Variants in XK observed in about 807,000 individuals in gnomAD.
XK encodes the protein X-linked Kx blood group antigen, Kell and VPS13A binding protein.
Under a neutral mutation model 14.0 loss-of-function variants are expected in XK, and 2 were observed. The ratio of observed to expected loss-of-function variants is 0.14; its 90% confidence interval spans 0.06 to 0.45. The LOEUF (loss-of-function observed/expected upper bound fraction) is 0.45. Ranked by LOEUF, XK falls within the 20% of genes least tolerant of loss-of-function variation. XK has a pLI of 0.98. For synonymous variants in XK, 149 were observed against 147.5 expected (o/e 1.01, Z -0.08); for missense variants, 235 against 341.5 (o/e 0.69, Z 2.46).
chrX:37,696,815 G>A (rs985331686), intron 2 of XK, among the ~76,000 whole-genome samples: 2 of 112,221 alleles, frequency 1.8e-5, no homozygotes, highest in African/African-American at 6.5e-5. Context: ...TTGGCCTTTT[G>A]CTTGGGTTGC....
At chrX:37,713,602 CTT>C (rs781838252) in intron 2 of XK, among the ~76,000 whole-genome samples, 2 of 101,281 alleles carry the variant, frequency 2.0e-5, no homozygotes, top group East Asian at 3.1e-4. Context: ...AAGAATGCCT[CTT>C]TTTTTTTTTT....
intron 1 of XK, among the ~76,000 whole-genome samples, chrX:37,689,546 T>C (rs1375835405): frequency 2.7e-5 from 3 of 112,224 alleles, no homozygotes; most frequent in East Asian, 5.6e-4. Context: ...TTTGAGTTCA[T>C]GCAGCACGAT....
intron 2 of XK, among the ~76,000 whole-genome samples, chrX:37,707,346 C>T (rs1428668965): frequency 2.7e-5 from 3 of 110,253 alleles, no homozygotes; most frequent in Non-Finnish European, 5.7e-5. Flanking sequence ...GGCTGCCGGG[C>T]GGAGATGCTC....
intron 2 of XK, among the ~76,000 whole-genome samples, chrX:37,699,201 T>C (rs1927362166): frequency 8.9e-6 from 1 of 112,093 alleles, no homozygotes; most frequent in East Asian, 2.8e-4. Flanking sequence ...AATGCGTAAG[T>C]GGAACAATGT....
chrX:37,723,214 C>G (rs1399092122), intron 2 of XK, among the ~76,000 whole-genome samples: 1 of 111,429 alleles, frequency 9.0e-6, no homozygotes, highest in African/African-American at 3.3e-5. Flanking sequence ...CCAATTTATC[C>G]CCTTTTGTGT....
At chrX:37,696,024 A>G (rs1927300961) in intron 2 of XK, among the ~76,000 whole-genome samples, 1 of 112,275 alleles carries the variant, frequency 8.9e-6, no homozygotes, top group East Asian at 2.8e-4. Flanking sequence ...ATGTGATGAT[A>G]GCCTATTTGA....
At chrX:37,724,030 C>T (rs1273344403) in intron 2 of XK, among the ~76,000 whole-genome samples, 2 of 111,180 alleles carry the variant, frequency 1.8e-5, no homozygotes, top group African/African-American at 6.5e-5. Flanking sequence ...AGATTCCAGT[C>T]TTTCCAGTGA....
intron 2 of XK, among the ~76,000 whole-genome samples, chrX:37,698,195 T>C (rs1475405136): frequency 8.9e-6 from 1 of 111,847 alleles, no homozygotes; most frequent in Non-Finnish European, 1.9e-5. Flanking sequence ...GTAATGTTGG[T>C]AGTAAAAATG....
intron 2 of XK, among the ~76,000 whole-genome samples, chrX:37,718,589 G>A (rs1199582495): frequency 8.9e-6 from 1 of 111,816 alleles, no homozygotes; most frequent in Non-Finnish European, 1.9e-5. Context: ...TCTGTTGCAT[G>A]TATATGCAGG....
chrX:37,719,631 T>C (rs1205196380), intron 2 of XK, among the ~76,000 whole-genome samples: 1 of 111,401 alleles, frequency 9.0e-6, no homozygotes, highest in African/African-American at 3.3e-5. Flanking sequence ...TTTTTTTAGT[T>C]CTAGAATTGT....
At chrX:37,721,278 T>G (rs1010236717) in intron 2 of XK, among the ~76,000 whole-genome samples, 4 of 111,611 alleles carry the variant, frequency 3.6e-5, no homozygotes, top group Non-Finnish European at 7.6e-5. Flanking sequence ...TTGAGCATTT[T>G]TAACATTTTA....
Position 37,728,316 on chromosome X carries a change from T to C in XK, c.1189T>C (p.Trp397Arg). 1 of 1,210,917 alleles carries C rather than the reference T, an allele frequency of 8.3e-7. No individual in the cohort carries two copies. Among genetic ancestry groups the C allele is most frequent in the Non-Finnish European group, 1.1e-6 (1 of 895,340 alleles). ...GFQRWLRCFCWACRQQKPCEP... is the reference protein window; with the variant it reads ...GFQRWLRCFCRACRQQKPCEP... ...TCAGAGGTGGCTCAGGTGTTTTTGC[T>C]GGGCCTGCAGGCAGCAAAAACCCTG... Residue 397 changes from tryptophan to arginine, a missense_variant, in exon 3 of 3, where the codon TGG becomes CGG. Physicochemically the swap from Trp to Arg is moderately radical, Grantham distance 101. Coordinates refer to ENST00000378616, the MANE Select transcript of XK (RefSeq NM_021083.4).
At position 37,730,660 on chromosome X, in the gene XK, G is replaced by A. The variant is rs1556450951; in HGVS notation, c.*2198G>A. The A allele has an allele frequency of 8.9e-6, 1 of 112,561 alleles. No homozygotes were observed. The highest frequency in any genetic ancestry group is 3.2e-5 in the African/African-American group (1 of 30,997). The allele number at this position is 112,561 out of a possible 1,213,427, so 9.3% of individuals were successfully genotyped here. On this transcript the variant is annotated 3_prime_UTR_variant, in exon 3 of 3. Coordinates refer to ENST00000378616, the MANE Select transcript of XK (RefSeq NM_021083.4). ...CTTCAGCTCAGGCCTTGGGAGTGAG[G>A]TGTGGGAGTAGCCACCAGCCTCCCA...
chrX:37,688,850 A>T (rs1202211489), intron 1 of XK, among the ~76,000 whole-genome samples: 1 of 112,080 alleles, frequency 8.9e-6, no homozygotes, highest in African/African-American at 3.2e-5. Flanking sequence ...AGATGTTAAG[A>T]ATAATAATTT....
At chrX:37,714,319 T>C (rs73472128) in intron 2 of XK, among the ~76,000 whole-genome samples, 2,331 of 111,035 alleles carry the variant, frequency 0.021, 53 homozygotes, top group African/African-American at 0.072. Flanking sequence ...AATTATTTCT[T>C]ATATAATAAG....
chrX:37,705,289 CAA>C (rs5902157), intron 2 of XK, among the ~76,000 whole-genome samples: 9 of 98,929 alleles, frequency 9.1e-5, no homozygotes, highest in African/African-American at 7.3e-5. Context: ...ACTAAAAATA[CAA>C]AAAAAAAAAA....
At chrX:37,688,219 C>T (rs1031056969) in intron 1 of XK, among the ~76,000 whole-genome samples, 3 of 108,764 alleles carry the variant, frequency 2.8e-5, no homozygotes, top group Non-Finnish European at 5.7e-5. Context: ...CGCCACCACG[C>T]CCGGCTAATT....
At chrX:37,705,234 A>G (rs1927492522) in intron 2 of XK, among the ~76,000 whole-genome samples, 1 of 110,251 alleles carries the variant, frequency 9.1e-6, no homozygotes, top group Non-Finnish European at 1.9e-5. Context: ...TCACGAGGTC[A>G]GGAGATCAAG....
intron 2 of XK, among the ~76,000 whole-genome samples, chrX:37,719,724 T>A (rs1927832151): frequency 9.0e-6 from 1 of 111,434 alleles, no homozygotes; most frequent in South Asian, 3.6e-4. Context: ...AAATTATAGT[T>A]ATTTTAAGTC....
Sources: allele counts gnomAD v4.1 joint callset (sites outside exome capture counted in the v4.1 genomes callset), GRCh38; gene constraint gnomAD v4.1.1; transcripts MANE v1.5; gene names NCBI Gene and HGNC (gene_info 2026-07-23, HGNC 2026-07-21).